The following MED16 variants were observed in gnomAD, a reference collection of about 807,000 sequenced individuals.
MED16 encodes the protein mediator complex subunit 16.
A neutral mutation model predicts 84.4 loss-of-function variants in MED16; 81 were observed. The ratio of observed to expected loss-of-function variants is 0.96; its 90% CI spans 0.80 to 1.15. The LOEUF (loss-of-function observed/expected upper bound fraction) is 1.15. Among genes scored for constraint, MED16 ranks in the 50% most tolerant of loss-of-function variants. The pLI is 0.00. For synonymous variants in MED16, 897 were observed against 552.2 expected (o/e 1.62, Z -8.76); for missense variants, 1,585 against 1,245.9 (o/e 1.27, Z -4.10).
chr19:881,136 A>G (rs977417837), intron 7 of MED16, among the ~76,000 whole-genome samples: 8 of 151,956 alleles, frequency 5.3e-5, no homozygotes, highest in Admixed American at 1.3e-4. Context: ...ACTTGTCCAC[A>G]TTTTACAGCT....
intron 1 of MED16, 148 bp downstream of exon 1, chr19:892,938 G>GCCCCGCGC (rs869260826): frequency 8.4e-6 from 1 of 118,390 alleles, no homozygotes; most frequent in East Asian, 2.4e-4. Flanking sequence ...CGCGCCCCGC[G>GCCCCGCGC]CCCCAGGCCG....
In MED16 at chr19:871,960, C is replaced by T. The variant is rs763651537; in HGVS notation, c.2064G>A (p.Leu688=). 1.0e-5 allele frequency: 16 copies of T among 1,604,760 alleles called. No homozygotes were observed. In the African/African-American group the frequency reaches 1.8e-4, roughly 18 times the overall value. Residue 688 remains leucine, a synonymous_variant, in exon 12 of 16, where the codon CTG becomes CTA. Transcript: ENST00000325464. ...AGAGCTTGGTGAGCAGGCGGAAGAG[C>T]AGGGACATGCTGTCCTGGGTATCCG... ...ATSDTQDSMS[L]LFRLLTKLWI...
intron 9 of MED16, among the ~76,000 whole-genome samples, chr19:876,465 A>G (rs2036231986): frequency 6.6e-6 from 1 of 152,206 alleles, no homozygotes; most frequent in Non-Finnish European, 1.5e-5. Context: ...TGGCTTAGAA[A>G]GATACCTCCA....
chr19:887,869 G>T (rs1414387762), intron 4 of MED16, among the ~76,000 whole-genome samples: 1 of 151,862 alleles, frequency 6.6e-6, no homozygotes, highest in Admixed American at 6.6e-5. Context: ...ATGGATCAGG[G>T]TGATGCAGGA....
At chr19:877,433 G>A (rs891183155) in intron 8 of MED16, among the ~76,000 whole-genome samples, 5 of 152,134 alleles carry the variant, frequency 3.3e-5, no homozygotes, top group Non-Finnish European at 7.4e-5. Context: ...GCTTACACTC[G>A]TCTGCTTTAC....
In MED16 at chr19:881,618, A is replaced by C; in HGVS notation, c.1082T>G (p.Ile361Ser). ...VSAVALPKLP[I>S]SLTNTDLKVA... ...CTTGAGGTCGGTGTTGGTGAGCGAG[A>C]TGGGCAGCTTGGGCAGCGCCACGGC... Residue 361 changes from isoleucine to serine, a missense_variant, in exon 7 of 16, where the codon ATC (isoleucine) becomes AGC (serine). Coordinates refer to ENST00000325464, the MANE Select transcript of MED16 (RefSeq NM_005481.3). 1 of 1,612,658 alleles carries C rather than the reference A, an allele frequency of 6.2e-7. No homozygotes were observed. Among genetic ancestry groups the C allele is most frequent in the Non-Finnish European group, 8.5e-7 (1 of 1,179,892 alleles).
rs375657697 is a variant in MED16, at chr19:875,330, G to A, written c.1685C>T (p.Ser562Leu). The change falls in exon 10 of 16, where the codon TCG becomes TTG. Residue 562 changes from serine (S) to leucine (L), a missense_variant. By Grantham distance (145) the Ser-to-Leu change is moderately radical. Coordinates refer to ENST00000325464, the MANE Select transcript of MED16 (RefSeq NM_005481.3). ...GTTGAGAAAGTGGGGGCGCAGCAGC[G>A]ACTTCAGGGTGGAGCTGATGGCGAT... ...FLIAISSTLK[S>L]LLRPHFLNTP... 3.4e-5 allele frequency: 55 copies of A among 1,610,544 alleles called. No homozygotes were observed. The highest frequency in any genetic ancestry group is 1.6e-4 in the Middle Eastern group (1 of 6,072).
At chr19:883,785 G>A (rs2036469565) in intron 6 of MED16, among the ~76,000 whole-genome samples, 1 of 152,140 alleles carries the variant, frequency 6.6e-6, no homozygotes, top group South Asian at 2.1e-4. Flanking sequence ...GGCGCCAGGT[G>A]CTGCTGCAGG....
intron 6 of MED16, among the ~76,000 whole-genome samples, 160 bp from the exon 7 acceptor site, chr19:881,874 C>T (rs988484387): frequency 2.6e-5 from 4 of 152,204 alleles, no homozygotes; most frequent in Admixed American, 6.5e-5. Flanking sequence ...CCGGCCAATC[C>T]GAGCGCTTCG....
chr19:889,958 G>A (rs994467356), intron 3 of MED16, 151 bp from the exon 4 acceptor site: 16 of 953,550 alleles, frequency 1.7e-5, no homozygotes, highest in Admixed American at 7.4e-5. Flanking sequence ...CTCCAGAGAT[G>A]CCCTGAGACA....
rs534520486 is a variant in MED16 at position 869,966 on chromosome 19, G to A, written c.2316-1020C>T. ...CTGGGTTTCCTCACCGTGAAATGGG[G>A]TGACAAGGTCCCACCTCACAGGGCT... On this transcript the variant is annotated intron_variant, in intron 13 of 15. Transcript: ENST00000325464. 2.6e-5 allele frequency among the ~76,000 whole-genome samples: 4 copies of A among 152,284 alleles called. No homozygotes were observed. The South Asian group carries it at 6.2e-4, about 24-fold the overall frequency.
At chr19:885,504 G>A (rs1456764215) in intron 5 of MED16, among the ~76,000 whole-genome samples, 2 of 152,142 alleles carry the variant, frequency 1.3e-5, no homozygotes, top group East Asian at 1.9e-4. Context: ...AGGAGAGAAT[G>A]TGGGAGGTTG....
intron 4 of MED16, 80 bp downstream of exon 4, chr19:889,558 G>A (rs1427363426): frequency 2.7e-6 from 4 of 1,509,328 alleles, no homozygotes; most frequent in Non-Finnish European, 3.6e-6. Context: ...TGCTGGTGAT[G>A]GAGAGGAGAG....
At chr19:871,354 A>G (rs1220934409) in intron 12 of MED16, 101 bp from the exon 13 acceptor site, 1 of 1,373,336 alleles carries the variant, frequency 7.3e-7, no homozygotes, top group South Asian at 1.4e-5. Context: ...GCACCAGGTC[A>G]GGGCCCCAGC....
chr19:891,174 C>A, intron 1 of MED16, 25 bp from the exon 2 acceptor site: 1 of 1,584,168 alleles, frequency 6.3e-7, no homozygotes, highest in Non-Finnish European at 8.6e-7. Context: ...TGTGGTGGGA[C>A]GTCTATGTTG....
At chr19:871,704 G>A (rs562827905) in intron 12 of MED16, 123 of 1,444,032 alleles carry the variant, frequency 8.5e-5, no homozygotes, top group East Asian at 7.3e-4. Flanking sequence ...ACTGCCACCT[G>A]CAGGGGCTTA....
chr19:868,476 T>C lies in MED16; in HGVS notation c.2423A>G (p.Lys808Arg), dbSNP rs1351783409. 1.2e-6 allele frequency: 2 copies of C among 1,610,842 alleles called. No individual in the cohort carries two copies. Among genetic ancestry groups the C allele is most frequent in the Non-Finnish European group, 1.7e-6 (2 of 1,179,860 alleles). The stretch of plus-strand genomic sequence containing the variant: ...CACCGCCGTGGTTCTGTTGGGCGAC[T>C]TGAGCATGGTGACACAGCCGCACCT... ...CTRCGCVTML[K>R]SPNRTTAVKQ... The change falls in exon 15 of 16, where the codon AAG (lysine) becomes AGG (arginine). Residue 808 changes from lysine to arginine, a missense_variant. Transcript: ENST00000325464.
rs1270189675 is a variant in MED16, at chr19:879,932, C to T, written c.1353+5G>A. ...GCCCCGGCCCCACGTGCCCCAGCAG[C>T]TCACCTTCCCGTGGCTGTCAATCCC... is the stretch of plus-strand genomic sequence containing the variant. On this transcript the variant is annotated splice_donor_5th_base_variant and intron_variant, in intron 8 of 15. Coordinates refer to ENST00000325464, the MANE Select transcript of MED16 (RefSeq NM_005481.3). The T allele has an allele frequency of 1.3e-6, 2 of 1,594,568 alleles. No homozygotes were observed. The highest frequency in any genetic ancestry group is 1.7e-6 in the Non-Finnish European group (2 of 1,172,118).
chr19:877,619 G>C (rs1354368592), intron 8 of MED16, among the ~76,000 whole-genome samples: 2 of 93,312 alleles, frequency 2.1e-5, no homozygotes, highest in East Asian at 4.0e-4. Flanking sequence ...CTTCCCCCGG[G>C]GGCGCCTCCC....
Sources: allele counts gnomAD v4.1 joint callset (sites outside exome capture counted in the v4.1 genomes callset), GRCh38; gene constraint gnomAD v4.1.1; transcripts MANE v1.5; gene names NCBI Gene and HGNC (gene_info 2026-07-23, HGNC 2026-07-21).